Variants in CELF2 observed in about 807,000 individuals in gnomAD.
CELF2 encodes the protein CUGBP Elav-like family member 2, also known as CUG triplet repeat RNA-binding protein 2.
A neutral mutation model predicts 62.6 loss-of-function variants in CELF2; 8 were observed. The observed-to-expected ratio is 0.13, with a 90% confidence interval of 0.07 to 0.23. The LOEUF is 0.23. Among genes scored for constraint, CELF2 ranks in the 10% least tolerant of loss-of-function variants. The pLI is 1.00. For missense variants in CELF2, 333 were observed against 671.0 expected (o/e 0.50, Z 5.56); for synonymous variants, 258 against 250.0 (o/e 1.03, Z -0.30).
intron 2 of CELF2, among the ~76,000 whole-genome samples, chr10:11,200,797 A>G (rs547600531): frequency 6.6e-5 from 10 of 152,368 alleles, no homozygotes; most frequent in Non-Finnish European, 1.5e-4. Flanking sequence ...GAAGGGAGAA[A>G]AGATTGAGAA....
chr10:10,560,692 A>C, the CELF2 span, among the ~76,000 whole-genome samples: 4 of 152,218 alleles, frequency 2.6e-5, no homozygotes, highest in Non-Finnish European at 4.4e-5. Flanking sequence ...GGGAAAAAAA[A>C]ATCATTATTT....
chr10:11,080,571 G>A (rs747850573), intron 1 of CELF2, among the ~76,000 whole-genome samples: 12 of 152,234 alleles, frequency 7.9e-5, no homozygotes, highest in Non-Finnish European at 1.3e-4. Flanking sequence ...AGTGTTAGAC[G>A]TGAAAGTTTC....
Position 11,156,146 on chromosome 10 carries a change from C to T in CELF2, c.75-9340C>T, listed in dbSNP as rs754815854. Among the ~76,000 whole-genome samples, 4 of 152,118 alleles carry T rather than the reference C, an allele frequency of 2.6e-5. No individual in the cohort carries two copies. Among genetic ancestry groups the T allele is most frequent in the Non-Finnish European group, 4.4e-5 (3 of 68,030 alleles). On this transcript the variant is annotated intron_variant, in intron 1 of 12. Transcript: ENST00000633077. The surrounding 1 kb of genome is among the most constrained non-coding windows in gnomAD (Gnocchi z 4.3). ...AACAAGAGGATAGCCAGAATCAGGACAGTGGCTGTTCAGGGACAAGTGGAC... is the reference window on the plus strand; with the variant it reads ...AACAAGAGGATAGCCAGAATCAGGATAGTGGCTGTTCAGGGACAAGTGGAC...
chr10:11,279,444 G>A (rs914440256), intron 8 of CELF2, among the ~76,000 whole-genome samples: 4 of 152,254 alleles, frequency 2.6e-5, no homozygotes, highest in African/African-American at 7.2e-5. Context: ...TGAGAATGTC[G>A]AATTGGAGGC....
chr10:10,707,832 T>C, the CELF2 span, among the ~76,000 whole-genome samples: 1 of 152,178 alleles, frequency 6.6e-6, no homozygotes, highest in African/African-American at 2.4e-5. Context: ...AATCAACTAT[T>C]ACTAAGCCTC....
the CELF2 span, among the ~76,000 whole-genome samples, chr10:10,707,424 T>A: frequency 6.2e-4 from 94 of 152,296 alleles, no homozygotes; most frequent in African/African-American, 1.6e-3. Context: ...ATGAAGTAAA[T>A]GTCAGGTCAT....
the CELF2 span, among the ~76,000 whole-genome samples, chr10:10,710,064 A>G: frequency 2.6e-5 from 4 of 152,288 alleles, no homozygotes; most frequent in Non-Finnish European, 4.4e-5. Flanking sequence ...CCCCAAAACA[A>G]TGTTTCCAGT....
chr10:10,839,834 T>G (rs1035162103), intron 1 of CELF2, among the ~76,000 whole-genome samples: 6 of 152,222 alleles, frequency 3.9e-5, no homozygotes, highest in African/African-American at 1.4e-4. Context: ...AGAGAATAGT[T>G]TCACTGCCCT....
the CELF2 span, among the ~76,000 whole-genome samples, chr10:10,565,845 A>G: frequency 6.6e-6 from 1 of 152,196 alleles, no homozygotes; most frequent in African/African-American, 2.4e-5. Flanking sequence ...CATTTACTTT[A>G]TTTAGGCTCA....
chr10:10,677,059 G>T, the CELF2 span, among the ~76,000 whole-genome samples: 5 of 152,176 alleles, frequency 3.3e-5, no homozygotes, highest in East Asian at 3.8e-4. Flanking sequence ...CAGCCCAGCT[G>T]CTCATGGTTT....
chr10:11,236,716 A>G (rs1428030571), intron 3 of CELF2, among the ~76,000 whole-genome samples: 1 of 152,236 alleles, frequency 6.6e-6, no homozygotes, highest in African/African-American at 2.4e-5. Context: ...AAAAACGGCA[A>G]TTTCACAGCA....
chr10:10,618,343 T>G, the CELF2 span, among the ~76,000 whole-genome samples: 7 of 152,102 alleles, frequency 4.6e-5, no homozygotes, highest in South Asian at 1.5e-3. Flanking sequence ...TAATCCTCCA[T>G]GCCTCTCCTT....
At chr10:10,854,503 C>A (rs1180517815) in intron 1 of CELF2, among the ~76,000 whole-genome samples, 1 of 152,150 alleles carries the variant, frequency 6.6e-6, no homozygotes, top group Non-Finnish European at 1.5e-5. Flanking sequence ...CACCATGACC[C>A]AAGGAACCCA....
intron 1 of CELF2, among the ~76,000 whole-genome samples, chr10:11,063,761 G>A (rs1390164098): frequency 3.9e-5 from 6 of 152,110 alleles, no homozygotes; most frequent in African/African-American, 1.2e-4. Context: ...ATAGATTGGT[G>A]GTTTTCATTT....
the CELF2 span, among the ~76,000 whole-genome samples, chr10:10,512,290 T>A: frequency 9.9e-5 from 15 of 152,092 alleles, no homozygotes; most frequent in African/African-American, 3.6e-4. Context: ...TGGCACCACA[T>A]GTCAACAGTA....
intron 2 of CELF2, among the ~76,000 whole-genome samples, chr10:11,192,149 A>G (rs773677942): frequency 1.3e-5 from 2 of 152,052 alleles, no homozygotes; most frequent in Non-Finnish European, 2.9e-5. Context: ...ATTCATACCT[A>G]CTGAGGAGGG....
intron 1 of CELF2, among the ~76,000 whole-genome samples, chr10:11,100,365 T>G (rs537706630): frequency 1.3e-5 from 2 of 151,988 alleles, no homozygotes; most frequent in African/African-American, 4.8e-5. Context: ...CCACATACTT[T>G]TTAATTTTTA....
At chr10:10,504,012 C>T in the CELF2 span, among the ~76,000 whole-genome samples, 1 of 152,004 alleles carries the variant, frequency 6.6e-6, no homozygotes, top group Non-Finnish European at 1.5e-5. Flanking sequence ...TTATCTTCCT[C>T]TATGTCCTCT....
chr10:10,824,315 A>T (rs957534434), intron 1 of CELF2, among the ~76,000 whole-genome samples: 1 of 152,192 alleles, frequency 6.6e-6, no homozygotes, highest in Non-Finnish European at 1.5e-5. Flanking sequence ...GTATTTATTT[A>T]TTTGGCCAAC....
Sources: gnomAD v4.1 joint callset for allele counts (sites outside exome capture counted in the v4.1 genomes callset) on GRCh38, gnomAD v4.1.1 for gene constraint, Gnocchi (gnomAD v3.1) non-coding constraint, MANE v1.5 for transcripts, NCBI Gene and HGNC (gene_info 2026-07-23, HGNC 2026-07-21) for gene names.